Variants in DUSP12 observed in about 807,000 individuals in gnomAD.
DUSP12 encodes the protein dual specificity phosphatase 12.
A neutral mutation model predicts 38.9 loss-of-function variants in DUSP12; 25 were observed. That is an observed-to-expected ratio of 0.64 (90% confidence interval 0.47 to 0.90). The LOEUF (loss-of-function observed/expected upper bound fraction) is 0.90. DUSP12 is among the 40% of genes least tolerant of loss of function. The pLI, the probability that DUSP12 is intolerant of heterozygous loss-of-function variation, is 0.00. For missense variants in DUSP12, 403 were observed against 427.0 expected, an observed-to-expected ratio of 0.94 and a Z score of 0.50; for synonymous variants, 153 against 153.9, an observed-to-expected ratio of 0.99 and a Z score of 0.05.
In DUSP12 at chr1:161,753,277, A is replaced by G; in HGVS notation, c.861+16A>G. 1.3e-6 allele frequency: 2 copies of G among 1,512,852 alleles called. No homozygotes were observed. Among genetic ancestry groups the G allele is most frequent in the Non-Finnish European group, 1.8e-6 (2 of 1,125,478 alleles). 93.7% of individuals were successfully genotyped at this position (1,512,852 alleles called of 1,614,324 possible). On this transcript the variant is annotated intron_variant, in intron 5 of 5. Transcript: ENST00000367943. ...GGATGGACAGGTGAGAACACATTTT[A>G]TTTTCTACAATTTTATTTTATGATC...
intron 3 of DUSP12, 90 bp from the exon 4 acceptor site, chr1:161,752,274 TAGCA>T: frequency 2.2e-6 from 2 of 907,310 alleles, no homozygotes; most frequent in Non-Finnish European, 1.7e-6. Flanking sequence ...TTTTTGAGGT[TAGCA>T]CTTGTTGCCT....
At chr1:161,756,535 A>C in intron 5 of DUSP12, among the ~76,000 whole-genome samples, 1 of 142,006 alleles carries the variant, frequency 7.0e-6, no homozygotes, top group East Asian at 2.0e-4. Context: ...CATCCATGAA[A>C]CCTTCCTTAA....
chr1:161,753,507 G>T (rs1684060369), intron 5 of DUSP12: 4 of 246,566 alleles, frequency 1.6e-5, no homozygotes, highest in Admixed American at 5.5e-5. Context: ...TTCCTTTAAG[G>T]CTATTTATAT....
intron 5 of DUSP12, among the ~76,000 whole-genome samples, chr1:161,754,675 A>G (rs1247127148): frequency 6.6e-6 from 1 of 152,190 alleles, no homozygotes; most frequent in Non-Finnish European, 1.5e-5. Context: ...AGATCTTATG[A>G]GTGCTCATTC....
rs753016227 is a variant in DUSP12 at position 161,756,978 on chromosome 1, T to C, written c.*31T>C. 1.2e-6 allele frequency: 2 copies of C among 1,601,082 alleles called. 1 individual carries two copies. Among genetic ancestry groups the C allele is most frequent in the Non-Finnish European group, 1.7e-6 (2 of 1,170,994 alleles). On this transcript the variant is annotated 3_prime_UTR_variant, in exon 6 of 6. Transcript: ENST00000367943. The stretch of plus-strand genomic sequence containing the variant: ...ATATTTTATAGCTTGGGAAGAAACT[T>C]GCAGATGATATGTGCTGCCTTTGCT...
rs1684031782 is a variant in DUSP12 at position 161,752,083 on chromosome 1, GTT to G, written c.577+101_577+102del. ...TTCCAGCAATCCCTGAGAAACTATTGTTTCTTTTTGAAACTGATTTAGCCAGA... is the reference window on the plus strand; with the variant it reads ...TTCCAGCAATCCCTGAGAAACTATTGTCTTTTTGAAACTGATTTAGCCAGA... On this transcript the variant is annotated intron_variant, in intron 3 of 5. Transcript: ENST00000367943. 5 of 874,954 alleles carry G rather than the reference GTT, an allele frequency of 5.7e-6. No homozygotes were observed. In the South Asian group the frequency reaches 8.7e-5, roughly 15 times the overall value. The allele number at this position is 874,954 out of a possible 1,614,324, so 54.2% of individuals were successfully genotyped here. A position where few individuals can be genotyped will look rare whatever the true frequency, so the allele number is the denominator to read the frequency against.
chr1:161,752,588 G>T (rs1684042485), intron 4 of DUSP12, 124 bp downstream of exon 4: 2 of 640,340 alleles, frequency 3.1e-6, no homozygotes, highest in Admixed American at 2.8e-5. Context: ...GTTCAGATCT[G>T]TTTTCAGAAA....
intron 4 of DUSP12, 76 bp from the exon 5 acceptor site, chr1:161,752,999 A>AAAAT: frequency 4.1e-6 from 6 of 1,449,598 alleles, no homozygotes; most frequent in Non-Finnish European, 4.6e-6. Context: ...CAAAAAAAAA[A>AAAAT]GAAATACCGC....
intron 3 of DUSP12, 113 bp downstream of exon 3, chr1:161,752,097 C>T (rs1470826936): frequency 9.7e-6 from 8 of 823,972 alleles, no homozygotes; most frequent in Non-Finnish European, 1.6e-5. Context: ...CTTTTTGAAA[C>T]TGATTTAGCC....
At chr1:161,756,507 A>G (rs1047500917) in intron 5 of DUSP12, among the ~76,000 whole-genome samples, 1 of 96,472 alleles carries the variant, frequency 1.0e-5, no homozygotes, top group Non-Finnish European at 2.3e-5. Context: ...ATATATATAT[A>G]TATATATATA....
intron 4 of DUSP12, 117 bp downstream of exon 4, chr1:161,752,581 C>A (rs2101694612): frequency 1.5e-6 from 1 of 672,350 alleles, no homozygotes; most frequent in Non-Finnish European, 2.6e-6. Context: ...ATTTTTAGTT[C>A]AGATCTGTTT....
chr1:161,756,491 A>C (rs1684111800), intron 5 of DUSP12, among the ~76,000 whole-genome samples: 2 of 25,308 alleles, frequency 7.9e-5, no homozygotes, highest in Admixed American at 4.9e-4. Context: ...AGCTATATAT[A>C]TATATATATA....
At chr1:161,755,256 AAC>A (rs201532062) in intron 5 of DUSP12, among the ~76,000 whole-genome samples, 9 of 152,038 alleles carry the variant, frequency 5.9e-5, no homozygotes, top group East Asian at 5.8e-4. Context: ...TAACCTGGGA[AAC>A]ACACACACAC....
Position 161,749,829 on chromosome 1 carries a change from G to A in DUSP12, c.28G>A (p.Gly10Ser), listed in dbSNP as rs1490934034. 6.3e-7 allele frequency: 1 copy of A among 1,589,592 alleles called. No homozygotes were observed. Among genetic ancestry groups the A allele is most frequent in the Non-Finnish European group, 8.6e-7 (1 of 1,168,612 alleles). MLEAPGPSD[G>S]CELSNPSASR... ...GTTGGAGGCTCCGGGCCCGAGTGAT[G>A]GCTGCGAGCTCAGCAACCCCAGCGC... The change falls in exon 1 of 6, where the codon GGC becomes AGC. Residue 10 changes from glycine to serine, a missense_variant. Gly to Ser is a moderately conservative substitution (Grantham distance 56). Coordinates refer to ENST00000367943, the MANE Select transcript of DUSP12 (RefSeq NM_007240.3).
chr1:161,755,867 T>G (rs1684098893), intron 5 of DUSP12, among the ~76,000 whole-genome samples: 1 of 152,092 alleles, frequency 6.6e-6, no homozygotes, highest in South Asian at 2.1e-4. Flanking sequence ...TCTGAATTTC[T>G]TTTTTTTGAG....
At chr1:161,753,308 T>C in intron 5 of DUSP12, 47 bp downstream of exon 5, 2 of 1,414,762 alleles carry the variant, frequency 1.4e-6, no homozygotes, top group Non-Finnish European at 1.9e-6. Context: ...TGATCTATAT[T>C]TTATTCCTTC....
rs765280035 is a variant in DUSP12, at chr1:161,749,816, G to C, written c.15G>C (p.Pro5=). Residue 5 remains proline (P), a synonymous_variant, in exon 1 of 6, where the codon CCG becomes CCC. Transcript: ENST00000367943. MLEA[P]GPSDGCELSN... Reference sequence around the variant, plus strand: ...TGGGCGCGGCCATGTTGGAGGCTCCGGGCCCGAGTGATGGCTGCGAGCTCA... The same window carrying C: ...TGGGCGCGGCCATGTTGGAGGCTCCCGGCCCGAGTGATGGCTGCGAGCTCA... 9 of 1,580,394 alleles carry C rather than the reference G, an allele frequency of 5.7e-6. No homozygotes were observed. The highest frequency in any genetic ancestry group is 2.3e-5 in the South Asian group (2 of 87,136).
Position 161,753,123 on chromosome 1 carries a change from T to A in DUSP12, c.723T>A (p.Ser241Arg). The change falls in exon 5 of 6, where the codon AGT becomes AGA. Residue 241 changes from serine (S) to arginine (R), a missense_variant. Physicochemically the swap from Ser to Arg is moderately radical, Grantham distance 110 (BLOSUM62 -1). Coordinates refer to ENST00000367943, the MANE Select transcript of DUSP12 (RefSeq NM_007240.3). ...GTATTCTGGATCACCGTGAAGGAAG[T>A]GGACCTATAGCCTTTGCCCACAAGA... The part of the protein sequence containing the change: ...SSSILDHREG[S>R]GPIAFAHKRM... 6.2e-7 allele frequency: 1 copy of A among 1,613,090 alleles called. No individual in the cohort carries two copies. Among genetic ancestry groups the A allele is most frequent in the Middle Eastern group, 1.7e-4 (1 of 6,060 alleles).
rs1462412454 is a variant in DUSP12 at position 161,753,270 on chromosome 1, A to G, written c.861+9A>G. On this transcript the variant is annotated intron_variant, in intron 5 of 5. Transcript: ENST00000367943. ...GAGTGATGGATGGACAGGTGAGAAC[A>G]CATTTTATTTTCTACAATTTTATTT... The G allele has an allele frequency of 5.2e-6, 8 of 1,541,372 alleles. No individual in the cohort carries two copies. The highest frequency in any genetic ancestry group is 6.1e-6 in the Non-Finnish European group (7 of 1,142,244).
Sources: allele counts gnomAD v4.1 joint callset (sites outside exome capture counted in the v4.1 genomes callset), GRCh38; gene constraint gnomAD v4.1.1; transcripts MANE v1.5; gene names NCBI Gene and HGNC (gene_info 2026-07-23, HGNC 2026-07-21).